Variants in BMPR1B observed in about 807,000 individuals in gnomAD.
BMPR1B encodes the protein bone morphogenetic protein receptor type 1B.
A neutral mutation model predicts 59.1 loss-of-function variants in BMPR1B; 12 were observed. The ratio of observed to expected loss-of-function variants is 0.20; its 90% CI spans 0.13 to 0.33. The LOEUF (loss-of-function observed/expected upper bound fraction) is 0.33. Ranked by LOEUF, BMPR1B falls within the 10% of genes least tolerant of loss-of-function variation. BMPR1B has a pLI of 1.00. For missense variants in BMPR1B, 550 were observed against 610.9 expected, an observed-to-expected ratio of 0.90 and a Z score of 1.05; for synonymous variants, 237 against 207.3, an observed-to-expected ratio of 1.14 and a Z score of -1.23.
chr4:94,860,096 T>C (rs1725919697), intron 1 of BMPR1B, among the ~76,000 whole-genome samples: 1 of 152,178 alleles, frequency 6.6e-6, no homozygotes, highest in Non-Finnish European at 1.5e-5. Context: ...TCACAGATTA[T>C]TCCTTAACGC....
intron 2 of BMPR1B, among the ~76,000 whole-genome samples, chr4:94,978,894 G>A (rs559616882): frequency 1.3e-5 from 2 of 148,616 alleles, no homozygotes; most frequent in African/African-American, 5.2e-5. Flanking sequence ...GAAGGGGAAG[G>A]AGGAGCAAAG....
chr4:95,117,572 CA>C (rs1472441456), intron 6 of BMPR1B, among the ~76,000 whole-genome samples: 1 of 151,532 alleles, frequency 6.6e-6, no homozygotes, highest in African/African-American at 2.4e-5. Context: ...CGCCTGGGCC[CA>C]GAAGTTCAAG....
At chr4:95,091,447 T>C (rs899576449) in intron 3 of BMPR1B, 1 of 985,156 alleles carries the variant, frequency 1.0e-6, no homozygotes, top group African/African-American at 1.7e-5. Flanking sequence ...TGAGCTGTAT[T>C]AGGCAACCAC....
chr4:95,026,763 C>G (rs1468160482), intron 3 of BMPR1B, among the ~76,000 whole-genome samples: 1 of 146,964 alleles, frequency 6.8e-6, no homozygotes, highest in Non-Finnish European at 1.5e-5. Context: ...CCCTCTCTCC[C>G]TTCCATTCTT....
rs1734830861 is a variant in BMPR1B, at chr4:95,148,811, A to G, written c.1140A>G (p.Pro380=). The G allele has an allele frequency of 1.9e-6, 3 of 1,614,054 alleles. No individual in the cohort carries two copies. The highest frequency in any genetic ancestry group is 8.5e-7 in the Non-Finnish European group (1 of 1,179,936). Residue 380 remains proline (P), a synonymous_variant, in exon 11 of 13, where the codon CCA becomes CCG. Coordinates refer to ENST00000515059, the MANE Select transcript of BMPR1B (RefSeq NM_001203.3). Reference sequence around the variant, plus strand: ...TTGGCACCAAACGCTATATGCCTCCAGAAGTGTTGGACGAGAGCTTGAACA... The same window carrying G: ...TTGGCACCAAACGCTATATGCCTCCGGAAGTGTTGGACGAGAGCTTGAACA... ...TRVGTKRYMP[P]EVLDESLNRN... is the part of the protein sequence containing the mutation.
At chr4:94,939,830 T>G (rs1166976878) in intron 2 of BMPR1B, among the ~76,000 whole-genome samples, 1 of 152,216 alleles carries the variant, frequency 6.6e-6, no homozygotes, top group Non-Finnish European at 1.5e-5. Flanking sequence ...GACACCTTTT[T>G]AAAGCCAAAG....
At chr4:94,805,051 C>G (rs114816047) in intron 1 of BMPR1B, among the ~76,000 whole-genome samples, 435 of 152,120 alleles carry the variant, frequency 2.9e-3, no homozygotes, top group South Asian at 9.3e-3. Flanking sequence ...CTTCTATGAT[C>G]TATAAAATGA....
At chr4:94,963,255 G>A (rs1730439342) in intron 2 of BMPR1B, among the ~76,000 whole-genome samples, 1 of 152,068 alleles carries the variant, frequency 6.6e-6, no homozygotes, top group South Asian at 2.1e-4. Flanking sequence ...TCCCTTGTCA[G>A]ATGAATAGTT....
intron 2 of BMPR1B, among the ~76,000 whole-genome samples, chr4:94,906,419 C>T (rs538343220): frequency 6.6e-6 from 1 of 152,148 alleles, no homozygotes; most frequent in East Asian, 1.9e-4. Flanking sequence ...AAAAAACAAA[C>T]ACATAAAGTA....
At chr4:95,000,566 A>G (rs1722373817) in intron 3 of BMPR1B, among the ~76,000 whole-genome samples, 1 of 152,122 alleles carries the variant, frequency 6.6e-6, no homozygotes. Context: ...AAAGTGCCTT[A>G]GCAAAGAGTT....
chr4:94,985,534 TG>T (rs1191690553), intron 2 of BMPR1B, among the ~76,000 whole-genome samples: 7 of 151,390 alleles, frequency 4.6e-5, no homozygotes, highest in Non-Finnish European at 3.0e-5. Context: ...TGTGTGTGTG[TG>T]TGTGTGTGTG....
chr4:94,824,741 T>C (rs1246044447), intron 1 of BMPR1B, among the ~76,000 whole-genome samples: 4 of 152,048 alleles, frequency 2.6e-5, no homozygotes, highest in Admixed American at 2.6e-4. Context: ...TGGGGAAAAA[T>C]GGGGAAAATT....
At chr4:95,051,547 C>T (rs755305399) in intron 3 of BMPR1B, 25 of 660,176 alleles carry the variant, frequency 3.8e-5, no homozygotes, top group Non-Finnish European at 6.2e-5. Flanking sequence ...CAGTTTGTAA[C>T]AGGCTTGTCT....
chr4:95,050,100 C>G (rs1420806474), intron 3 of BMPR1B, among the ~76,000 whole-genome samples: 1 of 152,128 alleles, frequency 6.6e-6, no homozygotes, highest in African/African-American at 2.4e-5. Context: ...GTGAATGTGG[C>G]TCTGAGCCCA....
intron 3 of BMPR1B, among the ~76,000 whole-genome samples, chr4:95,086,135 T>C (rs1388876279): frequency 6.6e-6 from 1 of 152,218 alleles, no homozygotes; most frequent in Non-Finnish European, 1.5e-5. Context: ...CATAAAGCTA[T>C]GACTATTAGG....
chr4:95,067,583 G>A (rs1007618072), intron 3 of BMPR1B, among the ~76,000 whole-genome samples: 3 of 152,156 alleles, frequency 2.0e-5, no homozygotes, highest in African/African-American at 2.4e-5. Flanking sequence ...TGCATGAACA[G>A]CATTAACAAA....
intron 1 of BMPR1B, among the ~76,000 whole-genome samples, chr4:94,771,439 G>T (rs1276285632): frequency 6.6e-6 from 1 of 152,126 alleles, no homozygotes; most frequent in Non-Finnish European, 1.5e-5. Flanking sequence ...CTGAGGCAAG[G>T]AGACATGTGT....
chr4:94,883,410 A>T (rs2148981988), intron 2 of BMPR1B, among the ~76,000 whole-genome samples: 1 of 152,260 alleles, frequency 6.6e-6, no homozygotes, highest in African/African-American at 2.4e-5. Context: ...TCTGCTACTA[A>T]TCAGATACTA....
rs28711968 is a variant in BMPR1B at position 94,899,931 on chromosome 4, A to G, written c.-113+24031A>G. On this transcript the variant is annotated intron_variant, in intron 2 of 12. Transcript: ENST00000515059. ...CAGGTATATATTTCTGACAATCTAT[A>G]CCAGGCACAGAGCTTGCTATTCGAA... Among the ~76,000 whole-genome samples, 1,120 of 152,118 alleles carry G rather than the reference A, an allele frequency of 7.4e-3. 17 individuals are homozygous for G. Among genetic ancestry groups the G allele is most frequent in the African/African-American group, 0.026 (1,074 of 41,538 alleles).
Sources: allele counts gnomAD v4.1 joint callset (sites outside exome capture counted in the v4.1 genomes callset), GRCh38; gene constraint gnomAD v4.1.1; transcripts MANE v1.5; gene names NCBI Gene and HGNC (gene_info 2026-07-23, HGNC 2026-07-21).